Variants in ACSL6 observed in about 807,000 individuals in gnomAD.
ACSL6 encodes the protein acyl-CoA synthetase long chain family member 6.
ACSL6 carries 47 observed loss-of-function variants against 98.2 expected under a neutral mutation model. That is an observed-to-expected ratio of 0.48 (90% CI 0.38 to 0.61). ACSL6 has a LOEUF of 0.61. ACSL6 is among the 20% of genes least tolerant of loss of function. The pLI is 0.00. For synonymous variants in ACSL6, 362 were observed against 336.9 expected, an observed-to-expected ratio of 1.07 and a Z score of -0.82; for missense variants, 761 against 913.4, an observed-to-expected ratio of 0.83 and a Z score of 2.15.
intron 9 of ACSL6, among the ~76,000 whole-genome samples, chr5:131,980,354 T>C (rs1400497244): frequency 6.6e-6 from 1 of 152,164 alleles, no homozygotes; most frequent in African/African-American, 2.4e-5. Context: ...ATAATAACTA[T>C]AATAGTAGCC....
chr5:131,975,792 T>G (rs1188192320), intron 10 of ACSL6: 1 of 985,362 alleles, frequency 1.0e-6, no homozygotes, highest in South Asian at 4.7e-5. Context: ...TCTCCTCTGC[T>G]GGACTTCCCT....
rs761010901 is a variant in ACSL6 at position 131,973,280 on chromosome 5, G to A, written c.1189C>T (p.Arg397Trp). 1.2e-5 allele frequency: 20 copies of A among 1,613,952 alleles called. No homozygotes were observed. The Admixed American group carries it at 1.5e-4, about 12-fold the overall frequency. ...IFPVVPRLLN[R>W]MYDKIFSQAN... is the part of the protein sequence containing the mutation. ...GCAGAACTTACCTTGTCGTACATCC[G>A]GTTCAGCAGTCGTGGGACCACAGGG... The change falls in exon 12 of 21, where the codon CGG becomes TGG. Residue 397 changes from arginine (R) to tryptophan (W), a missense_variant. Coordinates refer to ENST00000651883, the MANE Select transcript of ACSL6 (RefSeq NM_001009185.3).
chr5:132,010,216 A>C (rs1755634203), intron 1 of ACSL6, among the ~76,000 whole-genome samples: 2 of 152,316 alleles, frequency 1.3e-5, no homozygotes, highest in African/African-American at 4.8e-5. Context: ...CTCCCAGCTC[A>C]GGGGAAGTGT....
intron 1 of ACSL6, among the ~76,000 whole-genome samples, chr5:132,005,833 G>A (rs1441310440): frequency 1.3e-5 from 2 of 152,158 alleles, no homozygotes; most frequent in African/African-American, 2.4e-5. Context: ...AGAGTGAGGC[G>A]GGGTCCCAGG....
chr5:132,005,364 G>T (rs996153745), intron 1 of ACSL6, among the ~76,000 whole-genome samples: 1 of 152,200 alleles, frequency 6.6e-6, no homozygotes, highest in East Asian at 1.9e-4. Context: ...AGGGGTCACT[G>T]CAGGCCTGGA....
chr5:131,986,962 C>T (rs1754224663), intron 7 of ACSL6, 108 bp from the exon 8 acceptor site: 4 of 1,079,442 alleles, frequency 3.7e-6, no homozygotes, highest in Non-Finnish European at 4.2e-6. Flanking sequence ...CACATACACA[C>T]ACACACATAC....
intron 17 of ACSL6, among the ~76,000 whole-genome samples, chr5:131,965,655 G>A (rs1043075334): frequency 4.6e-5 from 7 of 152,190 alleles, no homozygotes; most frequent in African/African-American, 1.7e-4. Flanking sequence ...CTGGGAGGTG[G>A]AGGTTGCAGT....
chr5:131,957,313 A>G (rs1206265190), intron 20 of ACSL6, among the ~76,000 whole-genome samples: 1 of 152,264 alleles, frequency 6.6e-6, no homozygotes, highest in Non-Finnish European at 1.5e-5. Context: ...AATTAGTCAG[A>G]AATTGAAAAA....
intron 6 of ACSL6, 43 bp downstream of exon 6, chr5:131,988,762 G>A (rs761838313): frequency 5.6e-6 from 9 of 1,599,080 alleles, no homozygotes; most frequent in Non-Finnish European, 7.7e-6. Flanking sequence ...CTGGAGGCTG[G>A]GGACCAGTTG....
upstream of ACSL6, chr5:132,011,984 A>G: frequency 6.7e-7 from 1 of 1,498,010 alleles, no homozygotes; most frequent in South Asian, 1.3e-5. This position sits in a 1 kb window ranked among gnomAD's most constrained non-coding sequence, Gnocchi z 5.4. Context: ...CATTGAGCCC[A>G]CCCCGCCGCC....
intron 10 of ACSL6, 75 bp from the exon 11 acceptor site, chr5:131,975,045 T>C (rs1453981690): frequency 1.3e-6 from 2 of 1,544,674 alleles, no homozygotes; most frequent in African/African-American, 1.4e-5. Flanking sequence ...CATAAAACAA[T>C]AAAGAGAAAA....
intron 1 of ACSL6, among the ~76,000 whole-genome samples, chr5:132,002,096 C>T (rs907365912): frequency 7.2e-5 from 11 of 152,066 alleles, no homozygotes; most frequent in Non-Finnish European, 1.6e-4. Context: ...ATGGTGTGGA[C>T]GAGTTCAGAT....
In ACSL6 at chr5:131,972,748, A is replaced by G; in HGVS notation, c.1314T>C (p.Asp438=). The change falls in exon 13 of 21, where the codon GAT becomes GAC. Residue 438 remains aspartate, a synonymous_variant. Transcript: ENST00000651883. The part of the protein sequence containing the change: ...SGIIRNDSIW[D]ELFFNKIQAS... ...CCTGAATCTTATTAAAGAAGAGTTC[A>G]TCCCAGATACTATCATTCCTGATGA... 6.2e-7 allele frequency: 1 copy of G among 1,614,238 alleles called. No individual in the cohort carries two copies. Among genetic ancestry groups the G allele is most frequent in the Non-Finnish European group, 8.5e-7 (1 of 1,180,036 alleles).
chr5:131,977,810 C>T (rs1753698315), intron 9 of ACSL6, among the ~76,000 whole-genome samples: 1 of 152,104 alleles, frequency 6.6e-6, no homozygotes, highest in African/African-American at 2.4e-5. Flanking sequence ...CTGAATTGCT[C>T]ACTTTAAAAT....
At chr5:132,003,926 T>C (rs754848630) in intron 1 of ACSL6, 1 of 152,200 alleles carries the variant, frequency 6.6e-6, no homozygotes, top group Non-Finnish European at 1.5e-5. Flanking sequence ...AGCACCCTTT[T>C]TTTGGATAAG....
At chr5:131,989,936 G>T (rs1015515993) in intron 4 of ACSL6, among the ~76,000 whole-genome samples, 164 bp downstream of exon 4, 3 of 152,200 alleles carry the variant, frequency 2.0e-5, no homozygotes, top group Admixed American at 6.5e-5. Context: ...CTTCCAACCC[G>T]GGTATGCTGG....
At chr5:132,004,052 A>C (rs895677310) in intron 1 of ACSL6, among the ~76,000 whole-genome samples, 3 of 152,060 alleles carry the variant, frequency 2.0e-5, no homozygotes, top group Non-Finnish European at 2.9e-5. Context: ...TCAATAATGG[A>C]GGGCACGTGT....
Position 131,989,393 on chromosome 5 carries a change from A to G in ACSL6, c.552+14T>C. ...CCACGAATCCCTCTAAAACCAGTCA[A>G]GGTAGATGCTCACCTCTGGCCGATT... On this transcript the variant is annotated intron_variant, in intron 5 of 20. Coordinates refer to ENST00000651883, the MANE Select transcript of ACSL6 (RefSeq NM_001009185.3). The G allele has an allele frequency of 6.2e-7, 1 of 1,612,504 alleles. No individual in the cohort carries two copies. Among genetic ancestry groups the G allele is most frequent in the East Asian group, 2.2e-5 (1 of 44,864 alleles).
intron 1 of ACSL6, among the ~76,000 whole-genome samples, chr5:132,000,363 T>C (rs1401196728): frequency 6.6e-6 from 1 of 151,984 alleles, no homozygotes. Flanking sequence ...CTAGTTTGCA[T>C]GGGAATGGTC....
Sources: allele counts gnomAD v4.1 joint callset (sites outside exome capture counted in the v4.1 genomes callset), GRCh38; gene constraint gnomAD v4.1.1; non-coding constraint Gnocchi (gnomAD v3.1); transcripts MANE v1.5; gene names NCBI Gene and HGNC (gene_info 2026-07-23, HGNC 2026-07-21).